Variants in SYNJ2 observed in about 807,000 individuals in gnomAD.
SYNJ2 encodes the protein synaptojanin 2.
In SYNJ2, 116 loss-of-function variants were observed where a neutral mutation model predicts 141.3. That is an observed-to-expected ratio of 0.82 (90% confidence interval 0.71 to 0.96). The LOEUF is 0.96. Ranked by LOEUF, SYNJ2 falls within the 40% of genes least tolerant of loss-of-function variation. The pLI is 0.00. For synonymous variants in SYNJ2, 745 were observed against 777.7 expected (o/e 0.96, Z 0.70); for missense variants, 1,873 against 1,934.8 (o/e 0.97, Z 0.60).
In SYNJ2 at chr6:158,095,064, GC is replaced by G. The variant is rs541179271; in HGVS notation, c.3745-553del. Among the ~76,000 whole-genome samples, 208 of 151,890 alleles carry G rather than the reference GC, an allele frequency of 1.4e-3. 1 individual carries two copies. The highest frequency in any genetic ancestry group is 4.7e-3 in the African/African-American group (196 of 41,392). On this transcript the variant is annotated intron_variant, in intron 26 of 26. Transcript: ENST00000355585. Reference sequence around the variant, plus strand: ...CTCGGGAGGCTGAAGCAGGAGAATCGCTTGAACCTGGGAGGCGGAGGTTACA... The same window carrying G: ...CTCGGGAGGCTGAAGCAGGAGAATCGTTGAACCTGGGAGGCGGAGGTTACA...
chr6:158,061,879 GT>G, intron 7 of SYNJ2, 112 bp from the exon 8 acceptor site: 1 of 1,076,482 alleles, frequency 9.3e-7, no homozygotes, highest in Non-Finnish European at 1.4e-6. Context: ...GCTAAAGCAC[GT>G]CCTGCGGCGA....
rs544015012 is a variant in SYNJ2, at chr6:158,020,881, C to T, written c.214+3591C>T. Reference sequence around the variant, plus strand: ...AAAATTTCAATCTACCTAAATTAGCCTTTTACATTAGAAATCGAGAAATAT... The same window carrying T: ...AAAATTTCAATCTACCTAAATTAGCTTTTTACATTAGAAATCGAGAAATAT... On this transcript the variant is annotated intron_variant, in intron 2 of 26. Transcript: ENST00000355585. Among the ~76,000 whole-genome samples the T allele has an allele frequency of 5.3e-5, 8 of 152,310 alleles. No homozygotes were observed. The East Asian group carries it at 1.5e-3, about 29-fold the overall frequency.
intron 25 of SYNJ2, among the ~76,000 whole-genome samples, chr6:158,090,601 G>A (rs1783384408): frequency 7.1e-6 from 1 of 140,764 alleles, no homozygotes; most frequent in Non-Finnish European, 1.5e-5. Context: ...CTGGAGTGCA[G>A]TGGCTCAATC....
At chr6:158,046,192 C>T (rs1235207898) in intron 5 of SYNJ2, among the ~76,000 whole-genome samples, 1 of 152,050 alleles carries the variant, frequency 6.6e-6, no homozygotes, top group African/African-American at 2.4e-5. Context: ...GTGATCTGCC[C>T]GCTTCGGCCT....
chr6:157,987,761 A>T (rs1054234527), intron 1 of SYNJ2, among the ~76,000 whole-genome samples: 4 of 152,208 alleles, frequency 2.6e-5, no homozygotes, highest in Non-Finnish European at 5.9e-5. Flanking sequence ...CAAAATATAC[A>T]TTATTATTAA....
chr6:158,000,285 A>G (rs1450439756), intron 1 of SYNJ2, among the ~76,000 whole-genome samples: 1 of 152,102 alleles, frequency 6.6e-6, no homozygotes, highest in African/African-American at 2.4e-5. Flanking sequence ...GCAGACATGT[A>G]TGGAGAAGGC....
At chr6:158,048,877 T>C (rs1446630398) in intron 5 of SYNJ2, among the ~76,000 whole-genome samples, 1 of 152,116 alleles carries the variant, frequency 6.6e-6, no homozygotes, top group Non-Finnish European at 1.5e-5. Flanking sequence ...AGGAGCTGGC[T>C]CCAGCACACA....
chr6:158,068,850 G>C (rs1364946704), intron 13 of SYNJ2, 122 bp downstream of exon 13: 2 of 1,000,440 alleles, frequency 2.0e-6, no homozygotes, highest in South Asian at 2.9e-5. Context: ...CTGTGGCCCT[G>C]GCTGTGTGGG....
chr6:158,081,733 C>T (rs1377908907), intron 20 of SYNJ2, among the ~76,000 whole-genome samples: 1 of 148,990 alleles, frequency 6.7e-6, no homozygotes, highest in African/African-American at 2.5e-5. Context: ...GCAATCCTCC[C>T]ATCTCAGCCT....
chr6:158,088,901 AC>A (rs1783255788), intron 24 of SYNJ2, 129 bp downstream of exon 24: 8 of 645,676 alleles, frequency 1.2e-5, no homozygotes, highest in South Asian at 9.9e-5. Context: ...TCATCTCCAA[AC>A]CCCATAACCC....
chr6:158,096,479 C>A lies in SYNJ2; in HGVS notation c.*115C>A. 1 of 1,237,386 alleles carries A rather than the reference C, an allele frequency of 8.1e-7. No homozygotes were observed. Among genetic ancestry groups the A allele is most frequent in the Non-Finnish European group, 1.1e-6 (1 of 911,488 alleles). The allele number at this position is 1,237,386 out of a possible 1,614,324, so 76.7% of individuals were successfully genotyped here. A position where few individuals can be genotyped will look rare whatever the true frequency, so the allele number is the denominator to read the frequency against. On this transcript the variant is annotated 3_prime_UTR_variant, in exon 27 of 27. Coordinates refer to ENST00000355585, the MANE Select transcript of SYNJ2 (RefSeq NM_003898.4). The stretch of plus-strand genomic sequence containing the variant: ...CACACTGGCCAAAACGTTTGTGCAT[C>A]TGTCACTCTCGTGTAGTTTACAAAA...
chr6:158,086,385 A>C (rs1035746030), intron 22 of SYNJ2, among the ~76,000 whole-genome samples: 2 of 152,130 alleles, frequency 1.3e-5, no homozygotes, highest in South Asian at 2.1e-4. Context: ...GGATTTGATG[A>C]GTAAGCAGGA....
chr6:158,017,371 A>G (rs878225), intron 2 of SYNJ2, 81 bp downstream of exon 2: 439 of 1,410,780 alleles, frequency 3.1e-4, no homozygotes, highest in Middle Eastern at 1.9e-3. Context: ...GCCTCAGTGC[A>G]GGCATTCTGT....
chr6:158,079,426 G>A (rs1229382301), intron 18 of SYNJ2: 1 of 150,052 alleles, frequency 6.7e-6, no homozygotes, highest in Admixed American at 6.6e-5. Context: ...AGGCTGGAGT[G>A]CAGTGGCACA....
rs1202596775 is a variant in SYNJ2, at chr6:158,059,816, A to G, written c.954+463A>G. The stretch of plus-strand genomic sequence containing the variant: ...GTGATCCACCCGCCTCGGCCTCCCA[A>G]AGTGCTGGGATTGCAGGCGTGAGCC... On this transcript the variant is annotated intron_variant, in intron 7 of 26. Transcript: ENST00000355585. Among the ~76,000 whole-genome samples the G allele has an allele frequency of 2.6e-5, 4 of 152,104 alleles. No individual in the cohort carries two copies. In the East Asian group the frequency reaches 5.8e-4, roughly 22 times the overall value.
At chr6:158,063,501 A>C (rs1460593396) in intron 8 of SYNJ2, among the ~76,000 whole-genome samples, 2 of 152,028 alleles carry the variant, frequency 1.3e-5, no homozygotes, top group Non-Finnish European at 2.9e-5. Context: ...TGTACTAAAA[A>C]TACAAAAATT....
intron 1 of SYNJ2, among the ~76,000 whole-genome samples, chr6:158,004,899 C>T (rs1200637663): frequency 2.6e-5 from 4 of 151,956 alleles, no homozygotes; most frequent in East Asian, 3.9e-4. Context: ...TCTTCAGTGG[C>T]CACGTCGTTG....
intron 2 of SYNJ2, among the ~76,000 whole-genome samples, chr6:158,025,997 G>A (rs7769718): frequency 0.32 from 25,372 of 80,486 alleles, 2,987 homozygotes; most frequent in African/African-American, 0.51. Flanking sequence ...ACATACATAC[G>A]TACATACATA....
chr6:158,042,472 C>T (rs1217941109), intron 4 of SYNJ2, among the ~76,000 whole-genome samples: 1 of 152,262 alleles, frequency 6.6e-6, no homozygotes, highest in African/African-American at 2.4e-5. Context: ...CAGCAGCGCC[C>T]AGGCCGCCCT....
Sources: allele counts gnomAD v4.1 joint callset (sites outside exome capture counted in the v4.1 genomes callset), GRCh38; gene constraint gnomAD v4.1.1; transcripts MANE v1.5; gene names NCBI Gene and HGNC (gene_info 2026-07-23, HGNC 2026-07-21).